RANBP1: variants seen among roughly 807,000 people sequenced by gnomAD.
The protein encoded by RANBP1 is RAN binding protein 1, also known as ran-specific GTPase-activating protein.
A neutral mutation model predicts 31.4 loss-of-function variants in RANBP1; 16 were observed. The ratio of observed to expected loss-of-function variants is 0.51; its 90% CI spans 0.34 to 0.77. The LOEUF (loss-of-function observed/expected upper bound fraction) is 0.77, where lower values mean the gene tolerates loss of function less well. RANBP1 is among the 30% of genes least tolerant of loss of function. The pLI, the probability that RANBP1 is intolerant of heterozygous loss-of-function variation, is 0.01. For synonymous variants in RANBP1, 129 were observed against 140.5 expected (o/e 0.92, Z 0.58); for missense variants, 265 against 362.0 (o/e 0.73, Z 2.17).
chr22:20,118,118 A>T (rs737871), intron 1 of RANBP1: 53,714 of 1,000,578 alleles, frequency 0.054, 1,533 homozygotes, highest in South Asian at 0.1. Context: ...CTCGCGTTCC[A>T]GCGTGGGGCA....
intron 3 of RANBP1, chr22:20,124,402 A>G (rs2050251461): frequency 6.6e-6 from 1 of 151,602 alleles, no homozygotes. Flanking sequence ...TGAAGGGGGC[A>G]TGCAGGGGGC....
At chr22:20,121,227 AC>A (rs2050162976) in intron 2 of RANBP1, among the ~76,000 whole-genome samples, 1 of 150,510 alleles carries the variant, frequency 6.6e-6, no homozygotes, top group Non-Finnish European at 1.5e-5. Flanking sequence ...TGCTGGAATT[AC>A]AGGCGTGAGC....
chr22:20,119,752 T>C (rs2050135269), intron 2 of RANBP1, among the ~76,000 whole-genome samples: 1 of 152,212 alleles, frequency 6.6e-6, no homozygotes, highest in Non-Finnish European at 1.5e-5. Context: ...CCTGACCTCA[T>C]GATCTGCCCA....
intron 2 of RANBP1, 37 bp from the exon 3 acceptor site, chr22:20,122,227 C>T: frequency 6.2e-7 from 1 of 1,600,832 alleles, no homozygotes; most frequent in Non-Finnish European, 8.5e-7. Context: ...ATGTGGGCTG[C>T]AGGTCTGCAC....
Position 20,127,303 on chromosome 22 carries a change from A to G in RANBP1, c.*251A>G, listed in dbSNP as rs919222642. On this transcript the variant is annotated 3_prime_UTR_variant, in exon 6 of 6. Coordinates refer to ENST00000430524, the MANE Select transcript of RANBP1 (RefSeq NM_001278639.2). ...TAACTTTCTTTTCCATAGTGGAAAC[A>G]CTTATTTATAGTCATCAAAAATAGT... is the stretch of plus-strand genomic sequence containing the variant. The G allele has an allele frequency of 9.2e-6, 3 of 325,822 alleles. No homozygotes were observed. Among genetic ancestry groups the G allele is most frequent in the Admixed American group, 4.6e-5 (1 of 21,644 alleles). 20.2% of individuals were successfully genotyped at this position (325,822 alleles called of 1,614,324 possible). A position where few individuals can be genotyped will look rare whatever the true frequency, so the allele number is the denominator to read the frequency against.
chr22:20,122,934 G>A (rs1020293479), intron 3 of RANBP1, among the ~76,000 whole-genome samples: 5 of 134,204 alleles, frequency 3.7e-5, no homozygotes, highest in Non-Finnish European at 6.5e-5. Flanking sequence ...TGTCTGGGGC[G>A]GGGGTTGTGT....
chr22:20,117,580 A>G lies in RANBP1; in HGVS notation c.246+1150A>G. 4 of 1,396,952 alleles carry G rather than the reference A, an allele frequency of 2.9e-6. No homozygotes were observed. The South Asian group carries it at 5.5e-5, about 19-fold the overall frequency. The allele number at this position is 1,396,952 out of a possible 1,614,324, so 86.5% of individuals were successfully genotyped here. ...CCAGACGCGGAGGGAAGGAGCTACG[A>G]GTAGCCGCCGAGAGGCCGCGGAGCC... On this transcript the variant is annotated intron_variant, in intron 1 of 5. Coordinates refer to ENST00000430524, the MANE Select transcript of RANBP1 (RefSeq NM_001278639.2).
chr22:20,125,664 C>T (rs934461357), intron 4 of RANBP1: 8 of 1,418,440 alleles, frequency 5.6e-6, no homozygotes, highest in Non-Finnish European at 7.4e-6. Flanking sequence ...TGGTGAACAG[C>T]AGTGCCCGCT....
chr22:20,125,421 T>C lies in RANBP1; in HGVS notation c.655T>C (p.Phe219Leu). 1.9e-6 allele frequency: 3 copies of C among 1,607,486 alleles called. No individual in the cohort carries two copies. Among genetic ancestry groups the C allele is most frequent in the Non-Finnish European group, 2.5e-6 (3 of 1,177,312 alleles). Reference sequence around the variant, plus strand: ...CAAGCCAGAGCTGCTGGCCATCCGCTTCCTGAATGCTGAGAGTGAGCCAAG... The same window carrying C: ...CAAGCCAGAGCTGCTGGCCATCCGCCTCCTGAATGCTGAGAGTGAGCCAAG... ...CPKPELLAIR[F>L]LNAENAQKFK... Residue 219 changes from phenylalanine (F) to leucine (L), a missense_variant, in exon 4 of 6, where the codon TTC becomes CTC. Physicochemically the swap from Phe to Leu is conservative, Grantham distance 22. Coordinates refer to ENST00000430524, the MANE Select transcript of RANBP1 (RefSeq NM_001278639.2).
At chr22:20,119,204 T>G (rs2050122192) in intron 2 of RANBP1, 55 bp downstream of exon 2, 1 of 1,549,722 alleles carries the variant, frequency 6.5e-7, no homozygotes, top group Admixed American at 1.7e-5. Context: ...GTTACAACTT[T>G]TATGGGTGTC....
chr22:20,126,391 G>A (rs1221869044), intron 5 of RANBP1, 23 bp downstream of exon 5: 2 of 1,613,956 alleles, frequency 1.2e-6, no homozygotes, highest in Non-Finnish European at 8.5e-7. Context: ...CATGGGTTGG[G>A]GGGCTTCTTT....
chr22:20,116,614 T>TG, intron 1 of RANBP1, 184 bp downstream of exon 1: 1 of 1,534,294 alleles, frequency 6.5e-7, no homozygotes, highest in Admixed American at 2.1e-5. Context: ...CTTCGGGCCC[T>TG]GTGTGGGGAC....
Position 20,122,950 on chromosome 22 carries a change from GGT to G in RANBP1, c.541+533_541+534del, listed in dbSNP as rs147683798. On this transcript the variant is annotated intron_variant, in intron 3 of 5. Transcript: ENST00000430524. ...GTCTGGGGCGGGGGTTGTGTGGTTG[GGT>G]GTGGTGTTTGGGGGTGTGTAGTTGG... 4.0e-3 allele frequency among the ~76,000 whole-genome samples: 464 copies of G among 114,594 alleles called. 13 individuals carry two copies. The highest frequency in any genetic ancestry group is 0.015 in the African/African-American group (420 of 27,728). 75.2% of individuals were successfully genotyped at this position (114,594 alleles called of 152,430 possible).
chr22:20,124,395 AG>A (rs1375226820), intron 3 of RANBP1: 1 of 150,040 alleles, frequency 6.7e-6, no homozygotes, highest in Admixed American at 6.6e-5. Context: ...CGGGGTGTGA[AG>A]GGGGCATGCA....
chr22:20,123,344 G>GT (rs1478998396), intron 3 of RANBP1, among the ~76,000 whole-genome samples: 1 of 96,746 alleles, frequency 1.0e-5, no homozygotes, highest in Non-Finnish European at 2.0e-5. Flanking sequence ...GGGGTGTTGG[G>GT]GTGTGTGGTG....
chr22:20,126,901 G>T, intron 5 of RANBP1, 51 bp from the exon 6 acceptor site: 1 of 1,591,558 alleles, frequency 6.3e-7, no homozygotes, highest in East Asian at 2.2e-5. Context: ...AGGGCCATGT[G>T]CTTGAATGCA....
chr22:20,126,571 GTCCAA>G (rs2050305200), intron 5 of RANBP1: 2 of 1,550,372 alleles, frequency 1.3e-6, no homozygotes, highest in East Asian at 4.9e-5. Flanking sequence ...GCTGGCCTCA[GTCCAA>G]TTGGGCAGGC....
At position 20,116,992 on chromosome 22, in the gene RANBP1, C is replaced by T. The variant is rs370535372; in HGVS notation, c.246+562C>T. 2.8e-5 allele frequency: 43 copies of T among 1,527,116 alleles called. No homozygotes were observed. In the East Asian group the frequency reaches 2.9e-4, roughly 10 times the overall value. 94.6% of individuals were successfully genotyped at this position (1,527,116 alleles called of 1,614,324 possible). A position where few individuals can be genotyped will look rare whatever the true frequency, so the allele number is the denominator to read the frequency against. On this transcript the variant is annotated intron_variant, in intron 1 of 5. Coordinates refer to ENST00000430524, the MANE Select transcript of RANBP1 (RefSeq NM_001278639.2). The stretch of plus-strand genomic sequence containing the variant: ...CTGGGCCTGTCACAAGGGAAGTGGC[C>T]TGTCACAAGGGAAGTGCTCAGAGGG...
At chr22:20,122,871 C>T (rs1327708007) in intron 3 of RANBP1, among the ~76,000 whole-genome samples, 2 of 62,528 alleles carry the variant, frequency 3.2e-5, no homozygotes, top group East Asian at 4.9e-4. Flanking sequence ...GTGTGTGGTT[C>T]GGTGTGTGTG....
Sources: gnomAD v4.1 joint callset for allele counts (sites outside exome capture counted in the v4.1 genomes callset) on GRCh38, gnomAD v4.1.1 for gene constraint, MANE v1.5 for transcripts, NCBI Gene and HGNC (gene_info 2026-07-23, HGNC 2026-07-21) for gene names.